Variants in ZC3H3 observed in about 807,000 individuals in gnomAD.
The protein encoded by ZC3H3 is zinc finger CCCH-type containing 3.
ZC3H3 carries 36 observed loss-of-function variants against 77.3 expected under a neutral mutation model. The ratio of observed to expected loss-of-function variants is 0.47; its 90% CI spans 0.36 to 0.61. The LOEUF (loss-of-function observed/expected upper bound fraction) is 0.61. Ranked by LOEUF, ZC3H3 falls within the 20% of genes least tolerant of loss-of-function variation. The pLI, the probability that ZC3H3 is intolerant of heterozygous loss-of-function variation, is 0.00. For missense variants in ZC3H3, 1,331 were observed against 1,312.2 expected, an observed-to-expected ratio of 1.01 and a Z score of -0.22; for synonymous variants, 626 against 555.2, an observed-to-expected ratio of 1.13 and a Z score of -1.79.
At chr8:143,523,614 C>T in intron 3 of ZC3H3, 2 of 859,122 alleles carry the variant, frequency 2.3e-6, no homozygotes, top group Non-Finnish European at 2.8e-6. Flanking sequence ...GTTTGAGGAC[C>T]CCTGTCCTCA....
At chr8:143,464,014 C>T (rs1462831840) in intron 9 of ZC3H3, among the ~76,000 whole-genome samples, 1 of 152,250 alleles carries the variant, frequency 6.6e-6, no homozygotes, top group African/African-American at 2.4e-5. Flanking sequence ...ATTATAAACT[C>T]TCTGGGGCCC....
intron 5 of ZC3H3, among the ~76,000 whole-genome samples, chr8:143,469,405 G>T (rs1350601296): frequency 1.3e-5 from 2 of 152,240 alleles, no homozygotes; most frequent in African/African-American, 4.8e-5. Context: ...CTGCCCAGCT[G>T]CCCACTGCAG....
At chr8:143,518,571 C>A (rs1049484181) in intron 3 of ZC3H3, among the ~76,000 whole-genome samples, 3 of 152,264 alleles carry the variant, frequency 2.0e-5, no homozygotes, top group South Asian at 2.1e-4. Context: ...CCACTCCTGG[C>A]CTTTCCTGTG....
At chr8:143,449,880 T>C (rs768563355) in intron 9 of ZC3H3, among the ~76,000 whole-genome samples, 3 of 151,638 alleles carry the variant, frequency 2.0e-5, no homozygotes, top group Non-Finnish European at 4.4e-5. Context: ...AAAAGTAACC[T>C]TTGCTCCAGT....
At chr8:143,453,659 C>T (rs1332637450) in intron 9 of ZC3H3, among the ~76,000 whole-genome samples, 3 of 152,154 alleles carry the variant, frequency 2.0e-5, no homozygotes, top group Non-Finnish European at 4.4e-5. Flanking sequence ...AAAGGCTTGG[C>T]ACAACAGGAA....
At chr8:143,499,778 A>G (rs4873801) in intron 4 of ZC3H3, among the ~76,000 whole-genome samples, 70,055 of 151,976 alleles carry the variant, frequency 0.46, 16,959 homozygotes, top group East Asian at 0.68. Context: ...GGGCAGACAC[A>G]GGGCTTCAGC....
At chr8:143,515,113 G>T (rs1417684914) in intron 3 of ZC3H3, among the ~76,000 whole-genome samples, 1 of 152,174 alleles carries the variant, frequency 6.6e-6, no homozygotes, top group Admixed American at 6.5e-5. Context: ...GAAACATGAG[G>T]GTCAGTCCCT....
At chr8:143,477,272 T>G (rs151209055) in intron 4 of ZC3H3, among the ~76,000 whole-genome samples, 164 of 152,334 alleles carry the variant, frequency 1.1e-3, no homozygotes, top group African/African-American at 3.5e-3. Context: ...TAACCCAGTT[T>G]CCTTTAATTA....
intron 6 of ZC3H3, 23 bp downstream of exon 6, chr8:143,468,594 A>C: frequency 6.3e-7 from 1 of 1,578,612 alleles, no homozygotes; most frequent in South Asian, 1.2e-5. Context: ...GAGCCCACCC[A>C]CTGCCCAGCC....
intron 3 of ZC3H3, among the ~76,000 whole-genome samples, chr8:143,519,835 G>A (rs976531196): frequency 1.3e-5 from 2 of 152,146 alleles, no homozygotes; most frequent in South Asian, 2.1e-4. Context: ...TGCAGGGGAC[G>A]CAGGACACCC....
chr8:143,503,851 G>A (rs961342884), intron 4 of ZC3H3, among the ~76,000 whole-genome samples: 2 of 152,130 alleles, frequency 1.3e-5, no homozygotes, highest in Non-Finnish European at 2.9e-5. Flanking sequence ...AGAGAAAGCC[G>A]CTGACAGGGA....
At position 143,460,138 on chromosome 8, in the gene ZC3H3, C is replaced by T. The variant is rs1820219987; in HGVS notation, c.2307+5579G>A. 6.6e-6 allele frequency among the ~76,000 whole-genome samples: 1 copy of T among 151,998 alleles called. No homozygotes were observed. Among genetic ancestry groups the T allele is most frequent in the Non-Finnish European group, 1.5e-5 (1 of 68,008 alleles). ...GCACATGCACCTGTAGTCCCAGCTA[C>T]TTGGGAGGCTGAGGCAGGAGAATCA... On this transcript the variant is annotated intron_variant, in intron 9 of 11. Coordinates refer to ENST00000262577, the MANE Select transcript of ZC3H3 (RefSeq NM_015117.3). The surrounding 1 kb of genome is among the most constrained non-coding windows in gnomAD (Gnocchi z 4.0).
intron 10 of ZC3H3, 94 bp downstream of exon 10, chr8:143,440,842 G>C: frequency 7.9e-7 from 1 of 1,271,348 alleles, no homozygotes; most frequent in South Asian, 2.4e-5. Flanking sequence ...AAGAGCTGGA[G>C]TTGGCGGGAG....
At chr8:143,466,145 T>G (rs143542383) in intron 8 of ZC3H3, among the ~76,000 whole-genome samples, 1 of 152,198 alleles carries the variant, frequency 6.6e-6, no homozygotes, top group Non-Finnish European at 1.5e-5. Flanking sequence ...TCACCTGTTC[T>G]GAGCCTGCCC....
At chr8:143,482,110 C>G (rs975059872) in intron 4 of ZC3H3, among the ~76,000 whole-genome samples, 2 of 152,250 alleles carry the variant, frequency 1.3e-5, no homozygotes, top group African/African-American at 4.8e-5. Context: ...GCCAGGCACT[C>G]AGGTCCTGCT....
At chr8:143,523,411 C>T (rs918574127) in intron 3 of ZC3H3, 41 of 985,322 alleles carry the variant, frequency 4.2e-5, no homozygotes, top group African/African-American at 5.2e-5. Flanking sequence ...CATGTTTTCC[C>T]GGTGCCCTGT....
At position 143,462,925 on chromosome 8, in the gene ZC3H3, C is replaced by T. The variant is rs545772125; in HGVS notation, c.2307+2792G>A. ...TAAACACACCCAGAAGGAACCAGGG[C>T]GCCCTGCAGGAGCAGCTGTCCCACC... On this transcript the variant is annotated intron_variant, in intron 9 of 11. Transcript: ENST00000262577. The surrounding 1 kb of genome is among the most constrained non-coding windows in gnomAD (Gnocchi z 4.7). Among the ~76,000 whole-genome samples, 5 of 151,598 alleles carry T rather than the reference C, an allele frequency of 3.3e-5. No homozygotes were observed. Among genetic ancestry groups the T allele is most frequent in the South Asian group, 4.2e-4 (2 of 4,778 alleles).
intron 3 of ZC3H3, among the ~76,000 whole-genome samples, chr8:143,509,941 G>A (rs1396258065): frequency 6.6e-6 from 1 of 152,166 alleles, no homozygotes; most frequent in Non-Finnish European, 1.5e-5. Context: ...TCCAGCACAT[G>A]CCAAGTCCTC....
chr8:143,442,353 G>A (rs974557503), intron 9 of ZC3H3, among the ~76,000 whole-genome samples: 6 of 150,374 alleles, frequency 4.0e-5, no homozygotes, highest in Admixed American at 2.0e-4. Context: ...TCAGGGGCCT[G>A]CGGCTGGAGA....
Sources: gnomAD v4.1 joint callset for allele counts (sites outside exome capture counted in the v4.1 genomes callset) on GRCh38, gnomAD v4.1.1 for gene constraint, Gnocchi (gnomAD v3.1) non-coding constraint, MANE v1.5 for transcripts, NCBI Gene and HGNC (gene_info 2026-07-23, HGNC 2026-07-21) for gene names.